Variants in KATNAL2 observed in about 807,000 individuals in gnomAD.
KATNAL2 encodes katanin catalytic subunit A1 like 2, also known as katanin p60 ATPase-containing subunit A-like 2.
KATNAL2 carries 52 observed loss-of-function variants against 76.3 expected under a neutral mutation model. The ratio of observed to expected loss-of-function variants is 0.68; its 90% CI spans 0.55 to 0.86. KATNAL2 has a LOEUF of 0.86. KATNAL2 is among the 40% of genes least tolerant of loss of function. The probability of loss-of-function intolerance (pLI) is 0.00; values close to 1 mark genes in which losing one functional copy is unlikely to be tolerated. For synonymous variants in KATNAL2, 243 were observed against 244.2 expected, an observed-to-expected ratio of 1.00 and a Z score of 0.05; for missense variants, 660 against 668.9, an observed-to-expected ratio of 0.99 and a Z score of 0.15.
rs1568035861 is a variant in KATNAL2, at chr18:47,102,031, CTCT to C, written c.*1029_*1031del. On this transcript the variant is annotated 3_prime_UTR_variant, in exon 18 of 18. Transcript: ENST00000683218. ...TGTCTTCATCATCCCTGCAGACAGA[CTCT>C]TCAAGAGGAAAAACCTCCAGAAAGA... 1 of 152,186 alleles carries C rather than the reference CTCT, an allele frequency of 6.6e-6. No homozygotes were observed. The highest frequency in any genetic ancestry group is 1.5e-5 in the Non-Finnish European group (1 of 68,044). The allele number at this position is 152,186 out of a possible 1,614,324, so 9.4% of individuals were successfully genotyped here.
chr18:47,093,497 T>A (rs1407834528), intron 15 of KATNAL2, among the ~76,000 whole-genome samples: 1 of 151,402 alleles, frequency 6.6e-6, no homozygotes, highest in Non-Finnish European at 1.5e-5. Flanking sequence ...CGAATTTGTG[T>A]GTGTGTGTGT....
At chr18:47,070,947 T>C (rs937243055) in intron 13 of KATNAL2, among the ~76,000 whole-genome samples, 2 of 152,216 alleles carry the variant, frequency 1.3e-5, no homozygotes, top group Non-Finnish European at 2.9e-5. Flanking sequence ...CCTACAGTTA[T>C]GGTTCCATGT....
rs1282104254 is a variant in KATNAL2, at chr18:46,946,847, T to C, written c.-19-7T>C. 1 of 1,534,726 alleles carries C rather than the reference T, an allele frequency of 6.5e-7. No individual in the cohort carries two copies. Among genetic ancestry groups the C allele is most frequent in the Non-Finnish European group, 8.7e-7 (1 of 1,145,996 alleles). Reference sequence around the variant, plus strand: ...CCAGTAACTGACTACTTTTCTCCCTTCTCTAGGGTCCTAGCACAGTGTCTG... The same window carrying C: ...CCAGTAACTGACTACTTTTCTCCCTCCTCTAGGGTCCTAGCACAGTGTCTG... On this transcript the variant is annotated splice_polypyrimidine_tract_variant and splice_region_variant and intron_variant, in intron 2 of 17. Transcript: ENST00000683218.
At chr18:47,071,618 C>T (rs1159002177) in intron 13 of KATNAL2, among the ~76,000 whole-genome samples, 2 of 151,846 alleles carry the variant, frequency 1.3e-5, no homozygotes, top group Non-Finnish European at 2.9e-5. Flanking sequence ...TTTGGAACCA[C>T]GAGCACAAGA....
chr18:46,931,215 G>A (rs1471405576), intron 1 of KATNAL2, among the ~76,000 whole-genome samples: 6 of 150,924 alleles, frequency 4.0e-5, no homozygotes, highest in Admixed American at 6.6e-5. Flanking sequence ...CAGAAGAATC[G>A]TTTGAACCCA....
chr18:47,072,564 G>A (rs2062044712), intron 13 of KATNAL2, among the ~76,000 whole-genome samples: 1 of 152,266 alleles, frequency 6.6e-6, no homozygotes, highest in East Asian at 1.9e-4. Context: ...TCCCACCTCA[G>A]CCTCCCCAGT....
chr18:46,921,790 C>A (rs527918131), intron 1 of KATNAL2, among the ~76,000 whole-genome samples: 2 of 152,126 alleles, frequency 1.3e-5, no homozygotes, highest in East Asian at 3.9e-4. Context: ...GTTGGACCAA[C>A]CATGTAACCT....
In KATNAL2 at chr18:47,046,632, T is replaced by C. The variant is rs544656358; in HGVS notation, c.122+105T>C. On this transcript the variant is annotated intron_variant, in intron 4 of 17. Transcript: ENST00000683218. ...CAATAGACTTTCTTGTTTAGAGCAA[T>C]TCTATATTTACAGAAAAATCGAGCA... The C allele has an allele frequency of 3.6e-6, 3 of 828,270 alleles. No individual in the cohort carries two copies. The African/African-American group carries it at 5.2e-5, about 14-fold the overall frequency. 51.3% of individuals were successfully genotyped at this position (828,270 alleles called of 1,614,324 possible).
At chr18:47,050,692 T>C (rs2571031) in intron 4 of KATNAL2, among the ~76,000 whole-genome samples, 70,021 of 152,042 alleles carry the variant, frequency 0.46, 16,092 homozygotes, top group Admixed American at 0.54. Context: ...ACTATAGGTA[T>C]TTTTAAGGAC....
chr18:47,088,247 T>C (rs189444080), intron 15 of KATNAL2, among the ~76,000 whole-genome samples: 72 of 152,290 alleles, frequency 4.7e-4, no homozygotes, highest in African/African-American at 1.7e-3. Context: ...AGATGGGAAG[T>C]AAAGAGAAAA....
At chr18:46,951,752 A>G (rs138017877) in intron 3 of KATNAL2, among the ~76,000 whole-genome samples, 1 of 152,112 alleles carries the variant, frequency 6.6e-6, no homozygotes, top group Non-Finnish European at 1.5e-5. Flanking sequence ...TTTCATCTCA[A>G]TGGAGAAGGC....
chr18:46,921,328 G>A (rs572018235), intron 1 of KATNAL2, among the ~76,000 whole-genome samples: 34 of 152,148 alleles, frequency 2.2e-4, no homozygotes, highest in African/African-American at 8.0e-4. Context: ...GGGTTTCACC[G>A]TCTTGGTCAG....
At chr18:47,025,086 C>T (rs1299375367) in intron 3 of KATNAL2, among the ~76,000 whole-genome samples, 1 of 99,296 alleles carries the variant, frequency 1.0e-5, no homozygotes, top group African/African-American at 4.2e-5. Context: ...CAGCAGAATC[C>T]CTCTAGCATC....
chr18:47,035,210 C>T (rs1461690709), intron 3 of KATNAL2: 1 of 1,612,604 alleles, frequency 6.2e-7, no homozygotes, highest in African/African-American at 1.3e-5. Context: ...GTCTTAGTGG[C>T]CAGACGCACC....
intron 10 of KATNAL2, among the ~76,000 whole-genome samples, chr18:47,065,140 C>G (rs1292043447): frequency 6.6e-6 from 1 of 152,150 alleles, no homozygotes; most frequent in Admixed American, 6.5e-5. Context: ...TTGTAAATAT[C>G]ATGCATGACC....
chr18:47,034,462 C>T (rs2060657106), intron 3 of KATNAL2: 2 of 1,614,178 alleles, frequency 1.2e-6, no homozygotes, highest in Non-Finnish European at 1.7e-6. Flanking sequence ...GGCACTTGCC[C>T]AGGAGGGCAT....
At chr18:47,057,026 C>T (rs1480962350) in intron 6 of KATNAL2, among the ~76,000 whole-genome samples, 1 of 152,100 alleles carries the variant, frequency 6.6e-6, no homozygotes, top group Non-Finnish European at 1.5e-5. Context: ...TTAGTGTCCA[C>T]TTCTCATGAC....
chr18:47,097,199 A>G (rs993405167), intron 15 of KATNAL2, among the ~76,000 whole-genome samples: 1 of 152,202 alleles, frequency 6.6e-6, no homozygotes, highest in African/African-American at 2.4e-5. Flanking sequence ...TAGTGAAATA[A>G]TTGATTCAGA....
chr18:47,077,307 G>T lies in KATNAL2; in HGVS notation c.1101-44G>T, dbSNP rs367833374. ...TGAATGCTGCTCTTGTCATGAGGGC[G>T]AAGGCTCTGACACTTAGGAGAATCA... On this transcript the variant is annotated intron_variant, in intron 14 of 17. Coordinates refer to ENST00000683218, the MANE Select transcript of KATNAL2 (RefSeq NM_001387690.1). 4.2e-6 allele frequency: 6 copies of T among 1,443,728 alleles called. No homozygotes were observed. In the South Asian group the frequency reaches 5.7e-5, roughly 14 times the overall value. 89.4% of individuals were successfully genotyped at this position (1,443,728 alleles called of 1,614,324 possible).
Sources: gnomAD v4.1 joint callset for allele counts (sites outside exome capture counted in the v4.1 genomes callset) on GRCh38, gnomAD v4.1.1 for gene constraint, MANE v1.5 for transcripts, NCBI Gene and HGNC (gene_info 2026-07-23, HGNC 2026-07-21) for gene names.